The following GABRR1 variants were observed in gnomAD, a reference collection of about 807,000 sequenced individuals.
GABRR1 encodes gamma-aminobutyric acid type A receptor subunit rho1.
Under a neutral mutation model 55.5 loss-of-function variants are expected in GABRR1, and 59 were observed. The observed-to-expected ratio is 1.06, with a 90% CI of 0.86 to 1.32. The LOEUF is 1.32. Ranked by LOEUF, GABRR1 falls within the 40% of genes most tolerant of loss-of-function variation. The pLI is 0.00. For synonymous variants in GABRR1, 213 were observed against 226.0 expected (o/e 0.94, Z 0.51); for missense variants, 602 against 619.1 (o/e 0.97, Z 0.29).
chr6:89,182,089 A>C, intron 7 of GABRR1, 32 bp from the exon 8 acceptor site: 1 of 1,609,798 alleles, frequency 6.2e-7, no homozygotes, highest in South Asian at 1.1e-5. Flanking sequence ...GACAGTACAC[A>C]TCATGGCTCC....
At chr6:89,179,545 A>C (rs1771651868) in intron 9 of GABRR1, among the ~76,000 whole-genome samples, 1 of 152,196 alleles carries the variant, frequency 6.6e-6, no homozygotes, top group African/African-American at 2.4e-5. Flanking sequence ...CTGATCTAAA[A>C]TCTACATACT....
In GABRR1 at chr6:89,208,836, C is replaced by G. The variant is rs540739122; in HGVS notation, c.123-5351G>C. Reference sequence around the variant, plus strand: ...CCTGACTGATACAGTGCGAACACTCCTTGACCCCTGAGGCCTGCACATCTG... The same window carrying G: ...CCTGACTGATACAGTGCGAACACTCGTTGACCCCTGAGGCCTGCACATCTG... On this transcript the variant is annotated intron_variant, in intron 1 of 9. Transcript: ENST00000454853. Among the ~76,000 whole-genome samples, 45 of 152,214 alleles carry G rather than the reference C, an allele frequency of 3.0e-4. 1 individual carries two copies. Among genetic ancestry groups the G allele is most frequent in the South Asian group, 8.3e-4 (4 of 4,834 alleles).
chr6:89,186,755 C>T (rs1003215135), intron 6 of GABRR1, among the ~76,000 whole-genome samples: 4 of 152,210 alleles, frequency 2.6e-5, no homozygotes, highest in Non-Finnish European at 5.9e-5. Flanking sequence ...ATAACCTGTT[C>T]TTCAGGGTCT....
Position 89,203,459 on chromosome 6 carries a change from T to G in GABRR1, c.149A>C (p.His50Pro), listed in dbSNP as rs1772544348. ...GRPQRQRREV[H>P]EDAHKQVSPI... ...CCTGACTTGCTTGTGGGCATCTTCA[T>G]GTACTTCTCGTCTTTGTCTTTGGGG... is the stretch of plus-strand genomic sequence containing the variant. The change falls in exon 2 of 10, where the codon CAT becomes CCT. Residue 50 changes from histidine (H) to proline (P), a missense_variant. Physicochemically the swap from His to Pro is moderately conservative, Grantham distance 77 (BLOSUM62 -2). This residue lies in a region of GABRR1 where 435 missense variants were observed against 424.2 expected (regional missense o/e 1.03). Coordinates refer to ENST00000454853, the MANE Select transcript of GABRR1 (RefSeq NM_002042.5). 1 of 1,613,624 alleles carries G rather than the reference T, an allele frequency of 6.2e-7. No homozygotes were observed. The highest frequency in any genetic ancestry group is 8.5e-7 in the Non-Finnish European group (1 of 1,179,536).
In GABRR1 at chr6:89,217,345, C is replaced by A. The variant is rs1187311707; in HGVS notation, c.-23G>T. On this transcript the variant is annotated 5_prime_UTR_variant, in exon 1 of 10. Coordinates refer to ENST00000454853, the MANE Select transcript of GABRR1 (RefSeq NM_002042.5). ...CATGGGTTTCCAAATTCAAACAGCT[C>A]TCTCCAGAAACAGCAAAAAGGAAAA... The A allele has an allele frequency of 1.2e-6, 2 of 1,613,290 alleles. No individual in the cohort carries two copies. The highest frequency in any genetic ancestry group is 2.2e-5 in the South Asian group (2 of 90,942).
chr6:89,186,852 C>G (rs2127791991), intron 6 of GABRR1, among the ~76,000 whole-genome samples: 1 of 152,286 alleles, frequency 6.6e-6, no homozygotes, highest in East Asian at 1.9e-4. Flanking sequence ...ACACCCTTTC[C>G]CCACATTCAG....
At chr6:89,229,844 AT>A (rs1292345936) in intron 1 of GABRR1, among the ~76,000 whole-genome samples, 2 of 129,436 alleles carry the variant, frequency 1.5e-5, no homozygotes, top group African/African-American at 5.9e-5. Context: ...CCTGGATAAT[AT>A]CCTGCAGAGT....
intron 6 of GABRR1, among the ~76,000 whole-genome samples, chr6:89,188,765 T>C (rs561595775): frequency 6.6e-6 from 1 of 152,274 alleles, no homozygotes; most frequent in African/African-American, 2.4e-5. Context: ...ACAATTTTCA[T>C]GTAGTCCAAT....
At chr6:89,206,385 T>G (rs1012326536) in intron 1 of GABRR1, among the ~76,000 whole-genome samples, 2 of 152,184 alleles carry the variant, frequency 1.3e-5, no homozygotes, top group African/African-American at 4.8e-5. Flanking sequence ...ATCTCTGTGC[T>G]TTGCTCCCGA....
chr6:89,222,448 A>G (rs971258333), intron 1 of GABRR1, among the ~76,000 whole-genome samples: 1 of 152,214 alleles, frequency 6.6e-6, no homozygotes, highest in Non-Finnish European at 1.5e-5. Flanking sequence ...CAGAACATCC[A>G]AATAAAACAA....
chr6:89,182,201 CAA>C, intron 7 of GABRR1, 144 bp from the exon 8 acceptor site: 20 of 769,894 alleles, frequency 2.6e-5, no homozygotes, highest in Non-Finnish European at 3.6e-5. Context: ...AATCATGAAA[CAA>C]AGTGATTATA....
At chr6:89,193,220 A>T (rs1409345939) in intron 5 of GABRR1, among the ~76,000 whole-genome samples, 1 of 152,190 alleles carries the variant, frequency 6.6e-6, no homozygotes, top group Non-Finnish European at 1.5e-5. Flanking sequence ...TCCACAGGCC[A>T]CCGTGGCACC....
chr6:89,180,159 A>C (rs1027020070), intron 9 of GABRR1, 133 bp downstream of exon 9: 2 of 949,194 alleles, frequency 2.1e-6, no homozygotes, highest in African/African-American at 3.3e-5. Context: ...TGCTCTTCAC[A>C]ACAACCCTGT....
At chr6:89,185,233 C>T in intron 7 of GABRR1, 77 bp downstream of exon 7, 1 of 1,580,238 alleles carries the variant, frequency 6.3e-7, no homozygotes, top group Non-Finnish European at 8.7e-7. Context: ...CAATTCAAAC[C>T]TTTCCTATAA....
At chr6:89,195,958 GC>G (rs1328138462) in intron 5 of GABRR1, among the ~76,000 whole-genome samples, 1 of 152,196 alleles carries the variant, frequency 6.6e-6, no homozygotes, top group Admixed American at 6.5e-5. Flanking sequence ...GGCAGATTAA[GC>G]CTAAAAGGGT....
intron 6 of GABRR1, among the ~76,000 whole-genome samples, chr6:89,189,453 T>C (rs896435507): frequency 2.3e-5 from 3 of 132,028 alleles, no homozygotes; most frequent in Non-Finnish European, 3.1e-5. Context: ...TAGGTGGGAA[T>C]TGAACAATGA....
upstream of GABRR1, among the ~76,000 whole-genome samples, chr6:89,220,676 T>A (rs188056679): frequency 4.0e-3 from 614 of 152,186 alleles, 2 homozygotes; most frequent in Non-Finnish European, 5.9e-3. Context: ...ATATTAAGGA[T>A]CCAGACTGAC....
upstream of GABRR1, chr6:89,217,436 C>CAA: frequency 2.7e-6 from 3 of 1,128,302 alleles, no homozygotes; most frequent in Admixed American, 3.1e-5. Context: ...TTTACTCATG[C>CAA]AAAAAAAAAA....
chr6:89,180,914 G>C (rs1031482502), intron 8 of GABRR1, among the ~76,000 whole-genome samples: 20 of 152,168 alleles, frequency 1.3e-4, no homozygotes, highest in Admixed American at 2.0e-4. Flanking sequence ...CCTGGCTCTT[G>C]GTGTGCAGTC....
Sources: gnomAD v4.1 joint callset for allele counts (sites outside exome capture counted in the v4.1 genomes callset) on GRCh38, gnomAD v4.1.1 for gene constraint, gnomAD v4.1.1 regional missense constraint, MANE v1.5 for transcripts, NCBI Gene and HGNC (gene_info 2026-07-23, HGNC 2026-07-21) for gene names.